Variants in LUZP2 observed in about 807,000 individuals in gnomAD.
LUZP2 encodes leucine zipper protein 2.
LUZP2 carries 52 observed loss-of-function variants against 51.6 expected under a neutral mutation model. The ratio of observed to expected loss-of-function variants is 1.01; its 90% CI spans 0.81 to 1.27. The LOEUF is 1.27. Ranked by LOEUF, LUZP2 falls within the 50% of genes most tolerant of loss-of-function variation. The pLI, the probability that LUZP2 is intolerant of heterozygous loss-of-function variation, is 0.00. For missense variants in LUZP2, 436 were observed against 395.4 expected (o/e 1.10, Z -0.87); for synonymous variants, 154 against 137.3 (o/e 1.12, Z -0.85).
intron 6 of LUZP2, among the ~76,000 whole-genome samples, chr11:24,906,766 A>T (rs1853468231): frequency 6.6e-6 from 1 of 152,144 alleles, no homozygotes; most frequent in African/African-American, 2.4e-5. Flanking sequence ...ACACACTAAG[A>T]TATATTAAAT....
At chr11:25,066,713 TCTG>T (rs1200258761) in intron 10 of LUZP2, among the ~76,000 whole-genome samples, 22 of 151,896 alleles carry the variant, frequency 1.4e-4, no homozygotes, top group Admixed American at 1.3e-4. Flanking sequence ...TGGAGGCTGA[TCTG>T]TTTGGGTTGG....
At chr11:24,851,111 T>C (rs1041855120) in intron 5 of LUZP2, among the ~76,000 whole-genome samples, 11 of 152,310 alleles carry the variant, frequency 7.2e-5, no homozygotes, top group Admixed American at 3.9e-4. Context: ...TGTTTCTTTC[T>C]CTTGCCTAAT....
chr11:24,748,296 T>G (rs535940556), intron 4 of LUZP2, among the ~76,000 whole-genome samples: 2 of 152,098 alleles, frequency 1.3e-5, no homozygotes, highest in Non-Finnish European at 2.9e-5. Flanking sequence ...TGGAAACCTT[T>G]CCTGCAAACT....
chr11:24,509,621 A>G (rs1850245984), intron 1 of LUZP2, among the ~76,000 whole-genome samples: 1 of 149,940 alleles, frequency 6.7e-6, no homozygotes, highest in South Asian at 2.1e-4. Context: ...ATGGTTATAT[A>G]TAACATATTA....
chr11:24,999,324 AGAAGGG>A (rs1459051399), intron 9 of LUZP2, among the ~76,000 whole-genome samples: 1 of 152,000 alleles, frequency 6.6e-6, no homozygotes, highest in African/African-American at 2.4e-5. Flanking sequence ...GAAGGGAAGA[AGAAGGG>A]GAAGAAGAAG....
intron 1 of LUZP2, among the ~76,000 whole-genome samples, chr11:24,544,291 C>G (rs1851473399): frequency 6.6e-6 from 1 of 151,810 alleles, no homozygotes; most frequent in Non-Finnish European, 1.5e-5. Context: ...TAAAAATAAA[C>G]CTTTTATGCT....
rs1859434572 is a variant in LUZP2 at position 25,080,559 on chromosome 11, T to A, written c.*1901T>A. ...ACTAGGATAAAATAAAAGATGAAGG[T>A]CTGAGGTTTCTTCTGACTCCTTCAT... On this transcript the variant is annotated 3_prime_UTR_variant, in exon 12 of 12. Coordinates refer to ENST00000336930, the MANE Select transcript of LUZP2 (RefSeq NM_001009909.4). 1 of 152,132 alleles carries A rather than the reference T, an allele frequency of 6.6e-6. No homozygotes were observed. The highest frequency in any genetic ancestry group is 2.1e-4 in the South Asian group (1 of 4,828). The allele number at this position is 152,132 out of a possible 1,614,324, so 9.4% of individuals were successfully genotyped here. A position where few individuals can be genotyped will look rare whatever the true frequency, so the allele number is the denominator to read the frequency against.
intron 1 of LUZP2, among the ~76,000 whole-genome samples, chr11:24,703,546 A>G (rs934086149): frequency 6.6e-6 from 1 of 152,072 alleles, no homozygotes; most frequent in African/African-American, 2.4e-5. Flanking sequence ...CACATGGCCA[A>G]GCACACTGGC....
chr11:24,711,156 A>C (rs1014934451), intron 1 of LUZP2, among the ~76,000 whole-genome samples: 5 of 152,196 alleles, frequency 3.3e-5, no homozygotes, highest in Non-Finnish European at 1.5e-5. Flanking sequence ...TTGCTTTAAT[A>C]AGGATTTTCT....
intron 5 of LUZP2, among the ~76,000 whole-genome samples, chr11:24,898,363 G>C (rs1448591430): frequency 3.9e-5 from 6 of 152,200 alleles, no homozygotes; most frequent in African/African-American, 1.4e-4. Context: ...GGTGGCTCAT[G>C]CCTATAATTC....
intron 9 of LUZP2, among the ~76,000 whole-genome samples, chr11:25,017,753 G>A (rs1299804383): frequency 6.6e-6 from 1 of 151,866 alleles, no homozygotes; most frequent in Non-Finnish European, 1.5e-5. Flanking sequence ...GTATTGCTTT[G>A]GCTATTCTGG....
Position 24,842,726 on chromosome 11 carries a change from A to G in LUZP2, c.397-63265A>G, listed in dbSNP as rs145941688. Among the ~76,000 whole-genome samples the G allele has an allele frequency of 6.1e-3, 931 of 152,148 alleles. 10 individuals carry two copies. The highest frequency in any genetic ancestry group is 0.017 in the Middle Eastern group (5 of 294). ...AAATTTTAATTACCTAAACTTAACTATAATGAAAATACTGCTTTAAGATTA... is the reference window on the plus strand; with the variant it reads ...AAATTTTAATTACCTAAACTTAACTGTAATGAAAATACTGCTTTAAGATTA... On this transcript the variant is annotated intron_variant, in intron 5 of 11. Transcript: ENST00000336930.
At chr11:24,723,701 T>C (rs1429949146) in intron 1 of LUZP2, among the ~76,000 whole-genome samples, 1 of 152,016 alleles carries the variant, frequency 6.6e-6, no homozygotes, top group Non-Finnish European at 1.5e-5. Context: ...TATGGTGATG[T>C]GTGCCTATAG....
At chr11:24,861,612 G>A (rs1259812123) in intron 5 of LUZP2, among the ~76,000 whole-genome samples, 2 of 152,152 alleles carry the variant, frequency 1.3e-5, no homozygotes, top group East Asian at 3.9e-4. Context: ...TCAGACACAG[G>A]TATGCAGTGT....
At chr11:24,866,873 A>G (rs567506642) in intron 5 of LUZP2, among the ~76,000 whole-genome samples, 17 of 152,276 alleles carry the variant, frequency 1.1e-4, no homozygotes, top group African/African-American at 3.6e-4. Context: ...GATTAATCAG[A>G]AAATGAGAGA....
intron 5 of LUZP2, among the ~76,000 whole-genome samples, chr11:24,766,222 T>C (rs1397995063): frequency 6.6e-6 from 1 of 152,188 alleles, no homozygotes; most frequent in African/African-American, 2.4e-5. Flanking sequence ...TCTGCTTTTC[T>C]CTTTATATTT....
At chr11:24,961,710 G>A (rs1185785179) in intron 7 of LUZP2, among the ~76,000 whole-genome samples, 2 of 152,030 alleles carry the variant, frequency 1.3e-5, no homozygotes, top group African/African-American at 2.4e-5. Context: ...CAATTTGCCT[G>A]TCTGTGTCTT....
intron 5 of LUZP2, among the ~76,000 whole-genome samples, chr11:24,783,960 A>G (rs1358278367): frequency 6.6e-6 from 1 of 151,954 alleles, no homozygotes; most frequent in African/African-American, 2.4e-5. Context: ...TTGGGTAGAA[A>G]GTAGACCTCC....
intron 5 of LUZP2, among the ~76,000 whole-genome samples, chr11:24,826,229 A>G (rs998437258): frequency 7.5e-5 from 11 of 145,780 alleles, no homozygotes. Flanking sequence ...AATTTCAGGG[A>G]ACAGTTTAGG....
Sources: gnomAD v4.1 joint callset for allele counts (sites outside exome capture counted in the v4.1 genomes callset) on GRCh38, gnomAD v4.1.1 for gene constraint, MANE v1.5 for transcripts, NCBI Gene and HGNC (gene_info 2026-07-23, HGNC 2026-07-21) for gene names.